SEL1L3: variants seen among roughly 807,000 people sequenced by gnomAD.
SEL1L3 encodes the protein protein sel-1 homolog 3.
Under a neutral mutation model 142.8 loss-of-function variants are expected in SEL1L3, and 76 were observed. The observed-to-expected ratio is 0.53, with a 90% CI of 0.44 to 0.64. SEL1L3 has a LOEUF of 0.64. Ranked by LOEUF, SEL1L3 falls within the 30% of genes least tolerant of loss-of-function variation. The probability of loss-of-function intolerance (pLI) is 0.00; values close to 1 mark genes in which losing one functional copy is unlikely to be tolerated. For synonymous variants in SEL1L3, 504 were observed against 519.6 expected (o/e 0.97, Z 0.41); for missense variants, 1,262 against 1,381.7 (o/e 0.91, Z 1.37).
intron 11 of SEL1L3, among the ~76,000 whole-genome samples, chr4:25,797,569 T>C (rs1461172930): frequency 6.6e-6 from 1 of 151,956 alleles, no homozygotes; most frequent in Non-Finnish European, 1.5e-5. Flanking sequence ...TCACATACGA[T>C]GGTGGTGCTG....
the SEL1L3 span, among the ~76,000 whole-genome samples, chr4:25,735,784 C>T: frequency 3.3e-5 from 5 of 150,366 alleles, no homozygotes; most frequent in African/African-American, 1.2e-4. Context: ...TGTTTTTGAC[C>T]AGTGGATTCT....
chr4:25,748,199 G>A lies in SEL1L3; in HGVS notation c.*226C>T. ...CAGTAAACTTCCCCACATGCCCTAT[G>A]ATCAAGATGTTCCTTGTATGTGTTT... On this transcript the variant is annotated 3_prime_UTR_variant, in exon 24 of 24. Transcript: ENST00000399878. The A allele has an allele frequency of 1.9e-6, 1 of 526,726 alleles. No individual in the cohort carries two copies. The highest frequency in any genetic ancestry group is 3.4e-6 in the Non-Finnish European group (1 of 294,882). 32.6% of individuals were successfully genotyped at this position (526,726 alleles called of 1,614,324 possible).
chr4:25,731,550 A>C, the SEL1L3 span, among the ~76,000 whole-genome samples: 1 of 152,150 alleles, frequency 6.6e-6, no homozygotes. Flanking sequence ...CTGTCACTAT[A>C]GGTTAGTTTG....
At chr4:25,769,330 A>G (rs1354175368) in intron 17 of SEL1L3, among the ~76,000 whole-genome samples, 1 of 152,194 alleles carries the variant, frequency 6.6e-6, no homozygotes, top group African/African-American at 2.4e-5. Flanking sequence ...GCTGCAGGTC[A>G]CAGGCCACGT....
At chr4:25,714,494 CTTTCTTTT>C in the SEL1L3 span, among the ~76,000 whole-genome samples, 2 of 68,010 alleles carry the variant, frequency 2.9e-5, no homozygotes, top group African/African-American at 1.9e-4. Flanking sequence ...CTTTCTCTTT[CTTTCTTTT>C]TCTTTCTTTC....
At chr4:25,819,081 G>A (rs1462757439) in intron 8 of SEL1L3, among the ~76,000 whole-genome samples, 1 of 152,208 alleles carries the variant, frequency 6.6e-6, no homozygotes, top group Non-Finnish European at 1.5e-5. Flanking sequence ...TTCTCTTCCA[G>A]AAGGAACATA....
intron 11 of SEL1L3, among the ~76,000 whole-genome samples, chr4:25,791,948 G>A (rs1055849335): frequency 2.6e-5 from 4 of 151,472 alleles, no homozygotes; most frequent in Non-Finnish European, 4.4e-5. Flanking sequence ...TCACAAACTT[G>A]AGTCTGCAGC....
chr4:25,744,324 T>A (rs1717196397), downstream of SEL1L3, among the ~76,000 whole-genome samples: 1 of 147,694 alleles, frequency 6.8e-6, no homozygotes, highest in Non-Finnish European at 1.5e-5. Context: ...TTAATTAAGG[T>A]AAAATGAGGT....
At chr4:25,817,438 C>T (rs1268567660) in intron 9 of SEL1L3, among the ~76,000 whole-genome samples, 5 of 152,238 alleles carry the variant, frequency 3.3e-5, no homozygotes, top group African/African-American at 4.8e-5. Flanking sequence ...AGATCCCTCA[C>T]GTCCCTAGAA....
At chr4:25,827,850 A>G (rs1464825775) in intron 6 of SEL1L3, among the ~76,000 whole-genome samples, 1 of 152,228 alleles carries the variant, frequency 6.6e-6, no homozygotes, top group Non-Finnish European at 1.5e-5. Flanking sequence ...AGAGAGAGGA[A>G]GCTCTTATTT....
chr4:25,765,178 G>A (rs1412555712), intron 20 of SEL1L3, 148 bp downstream of exon 20: 2 of 614,178 alleles, frequency 3.3e-6, no homozygotes, highest in Non-Finnish European at 5.9e-6. Flanking sequence ...TATTTTTGTA[G>A]AGATGGGGTT....
In SEL1L3 at chr4:25,819,895, A is replaced by C. The variant is rs779386757; in HGVS notation, c.1336T>G (p.Leu446Val). The change falls in exon 8 of 24, where the codon TTA (leucine) becomes GTA (valine). Residue 446 changes from leucine to valine, a missense_variant. Physicochemically the swap from Leu to Val is conservative, Grantham distance 32 (BLOSUM62 1). This residue lies in a region of SEL1L3 where 689 missense variants were observed against 692.8 expected (regional missense o/e 0.99). Coordinates refer to ENST00000399878, the MANE Select transcript of SEL1L3 (RefSeq NM_015187.5). ...LEKQLAEQIK[L>V]YYERCAEVQE... ...ACCTCAGCACACCTTTCATAATATA[A>C]CTTGATTTGTTCAGCAAGTTGCTTC... 2 of 1,612,974 alleles carry C rather than the reference A, an allele frequency of 1.2e-6. No homozygotes were observed. Among genetic ancestry groups the C allele is most frequent in the East Asian group, 4.5e-5 (2 of 44,854 alleles).
the SEL1L3 span, among the ~76,000 whole-genome samples, chr4:25,739,539 T>C: frequency 6.6e-6 from 1 of 151,896 alleles, no homozygotes; most frequent in Admixed American, 6.6e-5. Context: ...ATCCCATCGC[T>C]ACTAAAAATA....
intron 1 of SEL1L3, among the ~76,000 whole-genome samples, chr4:25,854,285 G>C (rs970931685): frequency 5.9e-5 from 9 of 151,944 alleles, no homozygotes; most frequent in African/African-American, 2.2e-4. Context: ...AAATTATCAA[G>C]CTTTTTTTTT....
intron 13 of SEL1L3, among the ~76,000 whole-genome samples, chr4:25,786,246 GTTCTT>G (rs1428412478): frequency 3.3e-5 from 5 of 152,134 alleles, no homozygotes; most frequent in Admixed American, 1.3e-4. Context: ...TGCACGTACT[GTTCTT>G]TGCATATGGA....
chr4:25,844,539 C>T lies in SEL1L3; in HGVS notation c.733+2755G>A, dbSNP rs1023264052. ...TAAGCCTTGTGAATATGAGAAGAAA[C>T]AACAAAAGAAGGAAAAGACGTTTCA... On this transcript the variant is annotated intron_variant, in intron 2 of 23. Coordinates refer to ENST00000399878, the MANE Select transcript of SEL1L3 (RefSeq NM_015187.5). 2.6e-5 allele frequency among the ~76,000 whole-genome samples: 4 copies of T among 152,180 alleles called. No individual in the cohort carries two copies. In the South Asian group the frequency reaches 6.2e-4, roughly 24 times the overall value.
intron 11 of SEL1L3, among the ~76,000 whole-genome samples, chr4:25,793,809 G>A (rs73103960): frequency 6.6e-6 from 1 of 152,120 alleles, no homozygotes; most frequent in Non-Finnish European, 1.5e-5. Context: ...AATGACCTAG[G>A]TTCAAATCTA....
Position 25,765,442 on chromosome 4 carries a change from G to A in SEL1L3, c.2846-7C>T, listed in dbSNP as rs62411787. 88,584 of 1,563,312 alleles carry A rather than the reference G, an allele frequency of 0.057. 2,797 individuals carry two copies. Among genetic ancestry groups the A allele is most frequent in the Non-Finnish European group, 0.063 (71,612 of 1,133,984 alleles). On this transcript the variant is annotated splice_polypyrimidine_tract_variant and splice_region_variant and intron_variant, in intron 19 of 23. Transcript: ENST00000399878. ...TCTCCCATCTTCAAATATGCTGCAGGAAATAAAGCACAGATCCATTTGTCA... is the reference window on the plus strand; with the variant it reads ...TCTCCCATCTTCAAATATGCTGCAGAAAATAAAGCACAGATCCATTTGTCA...
intron 17 of SEL1L3, chr4:25,770,156 A>C (rs2109144337): frequency 6.6e-6 from 1 of 152,342 alleles, no homozygotes; most frequent in African/African-American, 2.4e-5. Context: ...TCTTAACTGC[A>C]GAAACCAATA....
Sources: gnomAD v4.1 joint callset for allele counts (sites outside exome capture counted in the v4.1 genomes callset) on GRCh38, gnomAD v4.1.1 for gene constraint, gnomAD v4.1.1 regional missense constraint, MANE v1.5 for transcripts, NCBI Gene and HGNC (gene_info 2026-07-23, HGNC 2026-07-21) for gene names.